Variants in KMT5A observed in about 807,000 individuals in gnomAD.
KMT5A encodes the protein N-lysine methyltransferase KMT5A.
In KMT5A, 6 loss-of-function variants were observed where a neutral mutation model predicts 40.6. The ratio of observed to expected loss-of-function variants is 0.15; its 90% confidence interval spans 0.08 to 0.29. The LOEUF is 0.29. Ranked by LOEUF, KMT5A falls within the 10% of genes least tolerant of loss-of-function variation. The probability of loss-of-function intolerance (pLI) is 1.00; values close to 1 mark genes in which losing one functional copy is unlikely to be tolerated. For missense variants in KMT5A, 308 were observed against 459.1 expected, an observed-to-expected ratio of 0.67 and a Z score of 3.01; for synonymous variants, 153 against 178.8, an observed-to-expected ratio of 0.86 and a Z score of 1.15.
At chr12:123,391,020 T>C (rs1877279094) in intron 3 of KMT5A, 1 of 505,102 alleles carries the variant, frequency 2.0e-6, no homozygotes, top group East Asian at 3.5e-5. Context: ...CAAGCTTGAT[T>C]GTCTTGCTTA....
intron 3 of KMT5A, 133 bp from the exon 4 acceptor site, chr12:123,394,914 C>G (rs1877577464): frequency 1.3e-6 from 1 of 795,596 alleles, no homozygotes; most frequent in Non-Finnish European, 2.0e-6. Context: ...CGGGGCTTAA[C>G]AGGCCAAGGG....
At chr12:123,388,063 G>T (rs922228998) in intron 1 of KMT5A, among the ~76,000 whole-genome samples, 6 of 152,218 alleles carry the variant, frequency 3.9e-5, no homozygotes, top group Non-Finnish European at 8.8e-5. Flanking sequence ...GTGGTGCAGG[G>T]CAGTGAGCTA....
chr12:123,395,004 A>G, intron 3 of KMT5A, 43 bp from the exon 4 acceptor site: 1 of 1,476,852 alleles, frequency 6.8e-7, no homozygotes, highest in African/African-American at 1.4e-5. Context: ...AAATTGAGAG[A>G]CAGTACAGAA....
chr12:123,398,753 C>T (rs1476222462), intron 5 of KMT5A, among the ~76,000 whole-genome samples: 1 of 152,214 alleles, frequency 6.6e-6, no homozygotes, highest in Non-Finnish European at 1.5e-5. Context: ...TTTCTGACTG[C>T]ACAGATAAAG....
chr12:123,408,144 G>A lies in KMT5A; in HGVS notation c.*441G>A, dbSNP rs1878701397. 5.8e-6 allele frequency: 1 copy of A among 173,188 alleles called. No individual in the cohort carries two copies. The highest frequency in any genetic ancestry group is 1.2e-5 in the Non-Finnish European group (1 of 80,642). 10.7% of individuals were successfully genotyped at this position (173,188 alleles called of 1,614,324 possible). A position where few individuals can be genotyped will look rare whatever the true frequency, so the allele number is the denominator to read the frequency against. ...GGAAGACGCTGCCTCCCAATGGCCT[G>A]GACGGGATGTTTCCAAGCTCTTGTT... On this transcript the variant is annotated 3_prime_UTR_variant, in exon 8 of 8. Transcript: ENST00000402868.
chr12:123,404,189 T>C (rs1169814969), intron 6 of KMT5A, among the ~76,000 whole-genome samples: 2 of 152,200 alleles, frequency 1.3e-5, no homozygotes, highest in Admixed American at 1.3e-4. Context: ...GCCCAAGAAA[T>C]GTGCTTTTCT....
chr12:123,393,164 A>G (rs1352443621), intron 3 of KMT5A, among the ~76,000 whole-genome samples: 3 of 152,310 alleles, frequency 2.0e-5, no homozygotes, highest in African/African-American at 7.2e-5. Context: ...AGGTGAAGTC[A>G]CTGTGCCCGG....
Position 123,408,874 on chromosome 12 carries a change from A to T in KMT5A, c.*1171A>T, listed in dbSNP as rs1878794679. On this transcript the variant is annotated 3_prime_UTR_variant, in exon 8 of 8. Coordinates refer to ENST00000402868, the MANE Select transcript of KMT5A (RefSeq NM_020382.7). ...GGCACCCAGGTGTGCAGGGGAGCAC[A>T]CAGGGCCCGGCAGCCCCCAGGAATC... is the stretch of plus-strand genomic sequence containing the variant. 6.5e-6 allele frequency: 1 copy of T among 152,684 alleles called. No homozygotes were observed. Among genetic ancestry groups the T allele is most frequent in the African/African-American group, 2.4e-5 (1 of 41,454 alleles). The allele number at this position is 152,684 out of a possible 1,614,324, so 9.5% of individuals were successfully genotyped here. A position where few individuals can be genotyped will look rare whatever the true frequency, so the allele number is the denominator to read the frequency against.
Position 123,384,418 on chromosome 12 carries a change from G to T in KMT5A, c.10+210G>T, listed in dbSNP as rs1233512744. The stretch of plus-strand genomic sequence containing the variant: ...GATGCCCCCAGAAACCCTTCCCACT[G>T]CCGTGCTTCTGTTTCCCTTCTATGA... On this transcript the variant is annotated intron_variant, in intron 1 of 7. Coordinates refer to ENST00000402868, the MANE Select transcript of KMT5A (RefSeq NM_020382.7). This position sits in a 1 kb window ranked among gnomAD's most constrained non-coding sequence, Gnocchi z 5.7. 2.0e-5 allele frequency among the ~76,000 whole-genome samples: 3 copies of T among 152,216 alleles called. No individual in the cohort carries two copies. The highest frequency in any genetic ancestry group is 4.4e-5 in the Non-Finnish European group (3 of 68,032).
intron 5 of KMT5A, among the ~76,000 whole-genome samples, chr12:123,398,706 C>T (rs538447816): frequency 1.3e-5 from 2 of 152,266 alleles, no homozygotes; most frequent in African/African-American, 2.4e-5. Flanking sequence ...CATAGCTGGC[C>T]GGGATGACGT....
Position 123,390,592 on chromosome 12 carries a change from C to T in KMT5A, c.133-38C>T, listed in dbSNP as rs1173145097. The T allele has an allele frequency of 8.1e-6, 13 of 1,607,692 alleles. No individual in the cohort carries two copies. The African/African-American group carries it at 9.4e-5, about 12-fold the overall frequency. On this transcript the variant is annotated intron_variant, in intron 2 of 7. Transcript: ENST00000402868. ...CTCGTGAATGCTCTAGGATCTTCTT[C>T]TTCAAGCCTCTTTCAGAATATGCTT... is the stretch of plus-strand genomic sequence containing the variant.
chr12:123,393,185 T>G (rs1566075332), intron 3 of KMT5A, among the ~76,000 whole-genome samples: 1 of 152,116 alleles, frequency 6.6e-6, no homozygotes, highest in African/African-American at 2.4e-5. Flanking sequence ...CCTAATGTAT[T>G]TATTTATTTT....
At chr12:123,401,395 G>T (rs1321264489) in intron 5 of KMT5A, among the ~76,000 whole-genome samples, 2 of 151,074 alleles carry the variant, frequency 1.3e-5, no homozygotes, top group Admixed American at 6.6e-5. Flanking sequence ...TGATCCGCCC[G>T]CCTCGGCCTC....
intron 5 of KMT5A, among the ~76,000 whole-genome samples, chr12:123,397,665 T>G (rs1877837860): frequency 4.7e-4 from 2 of 4,258 alleles, no homozygotes; most frequent in Non-Finnish European, 4.2e-3. Flanking sequence ...CTAGGTCACT[T>G]TTTTTTTTTT....
rs562349301 is a variant in KMT5A, at chr12:123,393,079, T to C, written c.290-1968T>C. On this transcript the variant is annotated intron_variant, in intron 3 of 7. Coordinates refer to ENST00000402868, the MANE Select transcript of KMT5A (RefSeq NM_020382.7). ...TTTCAGTAGAGATGGGGTTTCACCA[T>C]GTTGGCCAGGCTGGTCTTGAACTCC... Among the ~76,000 whole-genome samples the C allele has an allele frequency of 7.9e-5, 12 of 152,294 alleles. 1 individual carries two copies. The South Asian group carries it at 2.5e-3, about 32-fold the overall frequency.
chr12:123,395,883 G>A (rs1413322326), intron 4 of KMT5A, among the ~76,000 whole-genome samples: 1 of 151,678 alleles, frequency 6.6e-6, no homozygotes, highest in Non-Finnish European at 1.5e-5. Context: ...TTGAGACAGG[G>A]TCTTATTCTG....
Position 123,391,938 on chromosome 12 carries a change from A to T in KMT5A, c.289+1152A>T, listed in dbSNP as rs1011482876. On this transcript the variant is annotated intron_variant, in intron 3 of 7. Transcript: ENST00000402868. ...TTGATCTCCCCTGGTACACAGGGCAATATTGTTTTATTTGATCTTCAGATG... is the reference window on the plus strand; with the variant it reads ...TTGATCTCCCCTGGTACACAGGGCATTATTGTTTTATTTGATCTTCAGATG... Among the ~76,000 whole-genome samples, 14 of 152,318 alleles carry T rather than the reference A, an allele frequency of 9.2e-5. No individual in the cohort carries two copies. In the East Asian group the frequency reaches 1.7e-3, roughly 19 times the overall value.
chr12:123,401,172 G>A (rs1878133159), intron 5 of KMT5A, among the ~76,000 whole-genome samples: 1 of 77,082 alleles, frequency 1.3e-5, no homozygotes, highest in Non-Finnish European at 2.3e-5. Flanking sequence ...TTTTTGAGAT[G>A]GAGTCTTGCT....
Position 123,389,460 on chromosome 12 carries a change from TG to T in KMT5A, c.40del (p.Glu14ArgfsTer45). 9.3e-7 allele frequency: 1 copy of T among 1,078,902 alleles called. No individual in the cohort carries two copies. The highest frequency in any genetic ancestry group is 1.1e-6 in the Non-Finnish European group (1 of 898,738). The allele number at this position is 1,078,902 out of a possible 1,614,324, so 66.8% of individuals were successfully genotyped here. ...AGGAAGATGTCCAAGCCCCGCGCGGTGGAGGCGGCGGCGGCGGCGGCGGCGG... is the reference window on the plus strand; with the variant it reads ...AGGAAGATGTCCAAGCCCCGCGCGGTGAGGCGGCGGCGGCGGCGGCGGCGG... The part of the protein sequence containing the change: ...RGRKMSKPRA[V>X]EAAAAAAAVA... On this transcript the variant is annotated frameshift_variant, in exon 2 of 8. Coordinates refer to ENST00000402868, the MANE Select transcript of KMT5A (RefSeq NM_020382.7). LOFTEE classifies it high-confidence loss of function.
Sources: allele counts gnomAD v4.1 joint callset (sites outside exome capture counted in the v4.1 genomes callset), GRCh38; gene constraint gnomAD v4.1.1; non-coding constraint Gnocchi (gnomAD v3.1); transcripts MANE v1.5; gene names NCBI Gene and HGNC (gene_info 2026-07-23, HGNC 2026-07-21).